The following KYNU variants were observed in gnomAD, a reference collection of about 807,000 sequenced individuals.
The protein encoded by KYNU is L-kynurenine hydrolase.
KYNU carries 54 observed loss-of-function variants against 59.2 expected under a neutral mutation model. The ratio of observed to expected loss-of-function variants is 0.91; its 90% CI spans 0.73 to 1.14. The LOEUF is 1.14. KYNU is among the 50% of genes most tolerant of loss of function. KYNU has a pLI of 0.00. For synonymous variants in KYNU, 177 were observed against 192.0 expected, an observed-to-expected ratio of 0.92 and a Z score of 0.65; for missense variants, 567 against 554.4, an observed-to-expected ratio of 1.02 and a Z score of -0.23.
At chr2:142,890,508 T>C (rs1323550290) in intron 2 of KYNU, among the ~76,000 whole-genome samples, 2 of 152,274 alleles carry the variant, frequency 1.3e-5, no homozygotes, top group African/African-American at 4.8e-5. Flanking sequence ...GACAGGGTCT[T>C]GCTCTGTCAC....
chr2:143,006,976 T>C (rs1004488162), intron 10 of KYNU, among the ~76,000 whole-genome samples: 66 of 151,282 alleles, frequency 4.4e-4, no homozygotes, highest in South Asian at 8.3e-4. Context: ...ACAGAAAAAC[T>C]GGAAACTCTA....
chr2:142,946,964 C>T (rs1683805696), intron 4 of KYNU: 1 of 1,346,036 alleles, frequency 7.4e-7, no homozygotes. Flanking sequence ...TCACCTTGTA[C>T]TTTTTGTATT....
chr2:142,895,961 T>G (rs757465548), intron 2 of KYNU, among the ~76,000 whole-genome samples: 14 of 152,252 alleles, frequency 9.2e-5, no homozygotes, highest in Admixed American at 2.0e-4. Flanking sequence ...GGATTACAGA[T>G]GTGAGCTACT....
intron 10 of KYNU, among the ~76,000 whole-genome samples, chr2:143,019,821 C>T (rs1318877552): frequency 6.6e-6 from 1 of 151,894 alleles, no homozygotes; most frequent in African/African-American, 2.4e-5. Flanking sequence ...TTTATTATTG[C>T]TTCAATCTTC....
At position 142,976,584 on chromosome 2, in the gene KYNU, T is replaced by C. The variant is rs146855638; in HGVS notation, c.730-8500T>C. The stretch of plus-strand genomic sequence containing the variant: ...TGCACTTACATTTTAAAATATTTGG[T>C]AAAAGATATATTTGAAATCTATCAT... On this transcript the variant is annotated intron_variant, in intron 8 of 13. Transcript: ENST00000264170. Among the ~76,000 whole-genome samples, 542 of 152,330 alleles carry C rather than the reference T, an allele frequency of 3.6e-3. 4 individuals carry two copies. Among genetic ancestry groups the C allele is most frequent in the Middle Eastern group, 0.027 (8 of 294 alleles).
intron 8 of KYNU, among the ~76,000 whole-genome samples, chr2:142,962,680 A>G (rs781469761): frequency 6.6e-5 from 10 of 152,198 alleles, no homozygotes; most frequent in Admixed American, 2.0e-4. Context: ...AAATGAAGGT[A>G]GGAATGAGCA....
chr2:142,910,433 G>A (rs567840380), intron 2 of KYNU, among the ~76,000 whole-genome samples: 164 of 151,932 alleles, frequency 1.1e-3, no homozygotes, highest in Non-Finnish European at 2.1e-3. Context: ...TTTGTTTCTC[G>A]CTTGTCGAAT....
At chr2:142,938,925 A>G (rs1347828092) in intron 4 of KYNU, among the ~76,000 whole-genome samples, 3 of 152,130 alleles carry the variant, frequency 2.0e-5, no homozygotes, top group Non-Finnish European at 4.4e-5. Flanking sequence ...GTTCAAGACC[A>G]GTTGAGGCAA....
Position 143,050,713 on chromosome 2 carries a change from A to G in KYNU, c.*8541A>G, listed in dbSNP as rs2104934893. ...AGTCAGTAAATTAATTTCAAATTAA[A>G]TAAACTTTTCTACAGCTATTTTATG... On this transcript the variant is annotated 3_prime_UTR_variant, in exon 14 of 14. Coordinates refer to ENST00000264170, the MANE Select transcript of KYNU (RefSeq NM_003937.3). 6.6e-6 allele frequency: 1 copy of G among 152,358 alleles called. No homozygotes were observed. Among genetic ancestry groups the G allele is most frequent in the East Asian group, 1.9e-4 (1 of 5,192 alleles). 9.4% of individuals were successfully genotyped at this position (152,358 alleles called of 1,614,324 possible). A position where few individuals can be genotyped will look rare whatever the true frequency, so the allele number is the denominator to read the frequency against.
intron 8 of KYNU, among the ~76,000 whole-genome samples, chr2:142,963,459 C>CT (rs1301224443): frequency 1.3e-5 from 2 of 152,180 alleles, no homozygotes; most frequent in African/African-American, 4.8e-5. Context: ...CTTAGGGCTG[C>CT]TGTTTGTTTC....
rs767783929 is a variant in KYNU at position 143,051,257 on chromosome 2, G to A, written c.*9085G>A. The A allele has an allele frequency of 2.0e-5, 3 of 151,930 alleles. No homozygotes were observed. The highest frequency in any genetic ancestry group is 4.4e-5 in the Non-Finnish European group (3 of 67,984). The allele number at this position is 151,930 out of a possible 1,614,324, so 9.4% of individuals were successfully genotyped here. On this transcript the variant is annotated 3_prime_UTR_variant, in exon 14 of 14. Coordinates refer to ENST00000264170, the MANE Select transcript of KYNU (RefSeq NM_003937.3). Reference sequence around the variant, plus strand: ...ATTTTTGATAACTTCATAGCCTTTAGTATAAAAACAGGTAGGCTTATATTA... The same window carrying A: ...ATTTTTGATAACTTCATAGCCTTTAATATAAAAACAGGTAGGCTTATATTA...
chr2:142,886,608 A>G (rs1681522610), intron 2 of KYNU, among the ~76,000 whole-genome samples: 1 of 152,242 alleles, frequency 6.6e-6, no homozygotes, highest in Non-Finnish European at 1.5e-5. Flanking sequence ...TCATTCTAGA[A>G]TCGAAAATTA....
chr2:142,894,795 T>C (rs1681816233), intron 2 of KYNU, among the ~76,000 whole-genome samples: 1 of 152,236 alleles, frequency 6.6e-6, no homozygotes, highest in African/African-American at 2.4e-5. Flanking sequence ...TTCAATTATT[T>C]AAGCCAGACA....
chr2:142,891,935 TG>T (rs1681729375), intron 2 of KYNU, among the ~76,000 whole-genome samples: 1 of 151,626 alleles, frequency 6.6e-6, no homozygotes, highest in African/African-American at 2.4e-5. Context: ...TTTTTTTAGA[TG>T]GGGTCTCACT....
chr2:143,016,350 C>T (rs1285057561), intron 10 of KYNU, among the ~76,000 whole-genome samples: 1 of 152,134 alleles, frequency 6.6e-6, no homozygotes, highest in Non-Finnish European at 1.5e-5. Context: ...ATTTAGGAAA[C>T]AATTTGGTTG....
intron 10 of KYNU, among the ~76,000 whole-genome samples, chr2:143,018,088 G>T (rs1251956472): frequency 6.6e-6 from 1 of 152,118 alleles, no homozygotes; most frequent in African/African-American, 2.4e-5. Context: ...CATTCTATAG[G>T]TTGTATGTTT....
chr2:143,024,058 A>C (rs1686483470), intron 10 of KYNU, among the ~76,000 whole-genome samples: 1 of 151,914 alleles, frequency 6.6e-6, no homozygotes, highest in African/African-American at 2.4e-5. Flanking sequence ...TAGAAAATGT[A>C]AAATAAAGCA....
intron 10 of KYNU, among the ~76,000 whole-genome samples, chr2:142,987,795 T>C (rs184582236): frequency 5.3e-5 from 8 of 152,074 alleles, no homozygotes; most frequent in African/African-American, 1.9e-4. Flanking sequence ...ATCCCCAGTG[T>C]TGGAGCAGGG....
chr2:142,982,811 GTA>G (rs1032132509), intron 8 of KYNU, among the ~76,000 whole-genome samples: 1 of 151,984 alleles, frequency 6.6e-6, no homozygotes, highest in African/African-American at 2.4e-5. Context: ...TTACCAAATA[GTA>G]TTAAGCAAGG....
Sources: gnomAD v4.1 joint callset for allele counts (sites outside exome capture counted in the v4.1 genomes callset) on GRCh38, gnomAD v4.1.1 for gene constraint, MANE v1.5 for transcripts, NCBI Gene and HGNC (gene_info 2026-07-23, HGNC 2026-07-21) for gene names.